FSTL4: variants seen among roughly 807,000 people sequenced by gnomAD.
FSTL4 encodes the protein follistatin-related protein 4.
FSTL4 carries 28 observed loss-of-function variants against 78.2 expected under a neutral mutation model. The observed-to-expected ratio is 0.36, with a 90% CI of 0.27 to 0.49. The LOEUF (loss-of-function observed/expected upper bound fraction) is 0.49. Among genes scored for constraint, FSTL4 ranks in the 20% least tolerant of loss-of-function variants. The pLI is 0.98. For synonymous variants in FSTL4, 422 were observed against 440.5 expected (o/e 0.96, Z 0.53); for missense variants, 922 against 1,084.9 (o/e 0.85, Z 2.11).
At chr5:133,724,612 T>G in the FSTL4 span, among the ~76,000 whole-genome samples, 1 of 152,180 alleles carries the variant, frequency 6.6e-6, no homozygotes, top group African/African-American at 2.4e-5. Flanking sequence ...TATTCTACAT[T>G]CTAAATACAA....
At chr5:133,625,587 C>G in the FSTL4 span, among the ~76,000 whole-genome samples, 1 of 149,010 alleles carries the variant, frequency 6.7e-6, no homozygotes, top group Middle Eastern at 3.5e-3. Flanking sequence ...GATTTTTCTC[C>G]ATTGGGTTTT....
the FSTL4 span, among the ~76,000 whole-genome samples, chr5:133,657,768 T>G: frequency 9.3e-6 from 1 of 108,000 alleles, no homozygotes; most frequent in African/African-American, 4.2e-5. Context: ...TGTTTTTTGT[T>G]TTTTTTGTTT....
At chr5:133,670,149 G>A in the FSTL4 span, among the ~76,000 whole-genome samples, 1 of 152,166 alleles carries the variant, frequency 6.6e-6, no homozygotes, top group African/African-American at 2.4e-5. Context: ...AGGGATATTT[G>A]ACATAAATTG....
chr5:133,608,875 A>G (rs1253757693), intron 1 of FSTL4, among the ~76,000 whole-genome samples: 3 of 152,220 alleles, frequency 2.0e-5, no homozygotes, highest in African/African-American at 7.2e-5. Flanking sequence ...TGCCCCACCC[A>G]GAGAACGCAC....
chr5:133,220,727 G>A (rs771351696), intron 12 of FSTL4, 21 bp downstream of exon 12: 5 of 1,204,552 alleles, frequency 4.2e-6, no homozygotes, highest in Non-Finnish European at 5.0e-6. Context: ...TGTAGAAGCT[G>A]CCCCAGGCAC....
At chr5:133,540,858 G>C (rs1468314279) in intron 3 of FSTL4, among the ~76,000 whole-genome samples, 1 of 151,692 alleles carries the variant, frequency 6.6e-6, no homozygotes, top group Non-Finnish European at 1.5e-5. Context: ...TGCATTACCA[G>C]AGGTGACAAT....
chr5:133,511,370 T>C (rs1758727422), intron 3 of FSTL4, among the ~76,000 whole-genome samples: 1 of 152,186 alleles, frequency 6.6e-6, no homozygotes, highest in Non-Finnish European at 1.5e-5. Flanking sequence ...TCCTCCCCAG[T>C]AGCCAGCAAC....
chr5:133,349,618 G>C (rs1473342169), intron 4 of FSTL4, among the ~76,000 whole-genome samples: 1 of 140,586 alleles, frequency 7.1e-6, no homozygotes, highest in Non-Finnish European at 1.5e-5. Flanking sequence ...GATGGACTTT[G>C]TTTGTCATGC....
At chr5:133,692,944 C>T in the FSTL4 span, among the ~76,000 whole-genome samples, 2 of 152,200 alleles carry the variant, frequency 1.3e-5, no homozygotes, top group Non-Finnish European at 2.9e-5. Context: ...ATCACAGCTG[C>T]GATGTTATGC....
chr5:133,398,034 C>T (rs1300737308), intron 4 of FSTL4, among the ~76,000 whole-genome samples: 1 of 152,102 alleles, frequency 6.6e-6, no homozygotes, highest in South Asian at 2.1e-4. Context: ...TTTATATCCT[C>T]CTTTGTTCCA....
intron 11 of FSTL4, among the ~76,000 whole-genome samples, chr5:133,223,807 T>C (rs549878941): frequency 1.4e-4 from 22 of 152,224 alleles, no homozygotes; most frequent in African/African-American, 4.6e-4. Context: ...TAAGGTACAG[T>C]GACTATCTAG....
chr5:133,302,378 C>T (rs1252724481), intron 6 of FSTL4, among the ~76,000 whole-genome samples: 1 of 152,180 alleles, frequency 6.6e-6, no homozygotes, highest in African/African-American at 2.4e-5. Context: ...ACTTCCACAG[C>T]CTCTGCCATC....
chr5:133,516,818 T>C (rs990196542), intron 3 of FSTL4, among the ~76,000 whole-genome samples: 20 of 152,136 alleles, frequency 1.3e-4, no homozygotes, highest in Non-Finnish European at 2.2e-4. Context: ...TCTAGGAAGA[T>C]ACATGTAAAT....
chr5:133,487,753 C>A (rs368912416), intron 3 of FSTL4, among the ~76,000 whole-genome samples: 9 of 152,164 alleles, frequency 5.9e-5, no homozygotes, highest in African/African-American at 1.9e-4. Context: ...CTGACCACCC[C>A]CAGCAACTGC....
chr5:133,627,960 T>C, the FSTL4 span, among the ~76,000 whole-genome samples: 1 of 152,012 alleles, frequency 6.6e-6, no homozygotes, highest in Non-Finnish European at 1.5e-5. Flanking sequence ...GCTTTAAGAA[T>C]TACATTATAT....
the FSTL4 span, among the ~76,000 whole-genome samples, chr5:133,807,083 T>C: frequency 6.6e-6 from 1 of 152,212 alleles, no homozygotes; most frequent in African/African-American, 2.4e-5. Context: ...AGTTCCTCCT[T>C]ACAACAATAG....
intron 3 of FSTL4, among the ~76,000 whole-genome samples, chr5:133,564,966 A>C (rs1278450381): frequency 6.6e-6 from 1 of 152,200 alleles, no homozygotes; most frequent in Non-Finnish European, 1.5e-5. Flanking sequence ...GCAGTTGGTT[A>C]GCCATTTGTG....
chr5:133,627,151 C>CTTTTT, the FSTL4 span, among the ~76,000 whole-genome samples: 123 of 92,984 alleles, frequency 1.3e-3, no homozygotes, highest in East Asian at 1.5e-3. Flanking sequence ...CTCTGTGTCT[C>CTTTTT]TTTTTTTTTT....
chr5:133,237,256 G>A (rs1751690134), intron 7 of FSTL4, among the ~76,000 whole-genome samples: 1 of 152,120 alleles, frequency 6.6e-6, no homozygotes, highest in African/African-American at 2.4e-5. Context: ...TCAGGCTGGG[G>A]CACGCTGGAA....
Sources: gnomAD v4.1 joint callset for allele counts (sites outside exome capture counted in the v4.1 genomes callset) on GRCh38, gnomAD v4.1.1 for gene constraint, MANE v1.5 for transcripts, NCBI Gene and HGNC (gene_info 2026-07-23, HGNC 2026-07-21) for gene names.